The following CATSPERE variants were observed in gnomAD, a reference collection of about 807,000 sequenced individuals.
CATSPERE encodes the protein cation channel sperm-associated auxiliary subunit epsilon.
CATSPERE carries 93 observed loss-of-function variants against 114.1 expected under a neutral mutation model. The ratio of observed to expected loss-of-function variants is 0.81; its 90% CI spans 0.69 to 0.97. The LOEUF is 0.97. Ranked by LOEUF, CATSPERE falls within the 50% of genes least tolerant of loss-of-function variation. The pLI is 0.00. For synonymous variants in CATSPERE, 341 were observed against 384.1 expected, an observed-to-expected ratio of 0.89 and a Z score of 1.31; for missense variants, 1,058 against 1,131.6, an observed-to-expected ratio of 0.93 and a Z score of 0.93.
intron 8 of CATSPERE, among the ~76,000 whole-genome samples, chr1:244,533,802 C>A (rs1679969644): frequency 6.6e-6 from 1 of 152,120 alleles, no homozygotes; most frequent in Non-Finnish European, 1.5e-5. Flanking sequence ...ATTTACACAG[C>A]AATTACAGTG....
chr1:244,560,855 T>C lies in CATSPERE; in HGVS notation c.1217T>C (p.Phe406Ser). Residue 406 changes from phenylalanine (F) to serine (S), a missense_variant, in exon 10 of 22, where the codon TTT (phenylalanine) becomes TCT (serine). By Grantham distance (155) the Phe-to-Ser change is radical (BLOSUM62 -2). Around this residue, in one of 2 missense-constraint regions of CATSPERE, gnomAD observed 787 missense variants for 905.6 expected, o/e 0.87. Coordinates refer to ENST00000366534, the MANE Select transcript of CATSPERE (RefSeq NM_001130957.2). ...YTGHPLEIAV[F>S]LNYCTVCNVT... ...GGACACCCTCTGGAGATTGCTGTGT[T>C]TTTAAATTATTGCACTGTATGTAAC... 2 of 1,614,118 alleles carry C rather than the reference T, an allele frequency of 1.2e-6. No homozygotes were observed. The highest frequency in any genetic ancestry group is 1.7e-6 in the Non-Finnish European group (2 of 1,179,996).
intron 20 of CATSPERE, among the ~76,000 whole-genome samples, chr1:244,620,416 C>T (rs1038240971): frequency 3.9e-5 from 6 of 152,172 alleles, no homozygotes; most frequent in African/African-American, 1.2e-4. Flanking sequence ...CTCTCATTCA[C>T]TTCAGAATAG....
intron 8 of CATSPERE, 35 bp downstream of exon 8, chr1:244,518,733 A>G: frequency 8.8e-7 from 1 of 1,130,550 alleles, no homozygotes; most frequent in South Asian, 1.5e-5. Flanking sequence ...ATATAGAAAT[A>G]TGAAAACTTA....
chr1:244,565,962 T>C (rs1014449857), intron 10 of CATSPERE, among the ~76,000 whole-genome samples: 1 of 152,224 alleles, frequency 6.6e-6, no homozygotes, highest in African/African-American at 2.4e-5. Flanking sequence ...TGCTTTCTCC[T>C]GTGGGGATTT....
chr1:244,461,359 A>T lies in CATSPERE; in HGVS notation c.-71A>T. 1 of 1,255,230 alleles carries T rather than the reference A, an allele frequency of 8.0e-7. No individual in the cohort carries two copies. Among genetic ancestry groups the T allele is most frequent in the Non-Finnish European group, 1.0e-6 (1 of 984,540 alleles). 77.8% of individuals were successfully genotyped at this position (1,255,230 alleles called of 1,614,324 possible). A position where few individuals can be genotyped will look rare whatever the true frequency, so the allele number is the denominator to read the frequency against. The stretch of plus-strand genomic sequence containing the variant: ...GCGCCTGCAGCCGCCCGCCGGGCCG[A>T]CGTCCCACGGGAATGCGCGAGGCCT... On this transcript the variant is annotated 5_prime_UTR_variant, in exon 1 of 22. Coordinates refer to ENST00000366534, the MANE Select transcript of CATSPERE (RefSeq NM_001130957.2).
chr1:244,557,568 T>TAC (rs1661827510), intron 9 of CATSPERE, among the ~76,000 whole-genome samples: 1 of 77,258 alleles, frequency 1.3e-5, no homozygotes, highest in East Asian at 3.8e-4. Flanking sequence ...TATATATATA[T>TAC]ATATATATAT....
intron 8 of CATSPERE, among the ~76,000 whole-genome samples, chr1:244,520,587 C>T (rs1383649928): frequency 6.6e-6 from 1 of 152,134 alleles, no homozygotes; most frequent in Non-Finnish European, 1.5e-5. Flanking sequence ...CCACCAGGGC[C>T]TTGGGTCCAA....
intron 20 of CATSPERE, among the ~76,000 whole-genome samples, chr1:244,619,971 C>G (rs1671888506): frequency 6.6e-6 from 1 of 152,018 alleles, no homozygotes; most frequent in Non-Finnish European, 1.5e-5. Flanking sequence ...TCTGATAGAT[C>G]AAGTAGTCAT....
At chr1:244,553,628 C>CATATAT (rs1558485061) in intron 9 of CATSPERE, among the ~76,000 whole-genome samples, 2 of 147,384 alleles carry the variant, frequency 1.4e-5, no homozygotes, top group African/African-American at 5.1e-5. Context: ...CACACACACA[C>CATATAT]ACACACACAC....
At chr1:244,625,424 A>ATTTTTTTT (rs1281579567) in intron 20 of CATSPERE, among the ~76,000 whole-genome samples, 57 of 3,950 alleles carry the variant, frequency 0.014, 5 homozygotes, top group Admixed American at 0.046. Flanking sequence ...ATATATATAT[A>ATTTTTTTT]TATATATATT....
chr1:244,539,206 C>A (rs1188152666), intron 8 of CATSPERE, among the ~76,000 whole-genome samples: 5 of 151,482 alleles, frequency 3.3e-5, no homozygotes, highest in Non-Finnish European at 4.4e-5. Context: ...TTGTCAAAGG[C>A]CTTTTCTGCA....
chr1:244,541,242 T>G (rs1349822641), intron 8 of CATSPERE, among the ~76,000 whole-genome samples: 25 of 151,016 alleles, frequency 1.7e-4, no homozygotes, highest in African/African-American at 6.1e-4. Flanking sequence ...GGAGAAAATT[T>G]TCACAACTTA....
chr1:244,555,680 A>C (rs1445281390), intron 9 of CATSPERE, among the ~76,000 whole-genome samples: 1 of 152,226 alleles, frequency 6.6e-6, no homozygotes, highest in Non-Finnish European at 1.5e-5. Flanking sequence ...TATATTTAGA[A>C]AAACCTAAAG....
rs764097638 is a variant in CATSPERE, at chr1:244,605,780, A to T, written c.2389A>T (p.Asn797Tyr). ...IHGRDDYSFNNTMAQSGCLHE... is the reference protein window; with the variant it reads ...IHGRDDYSFNYTMAQSGCLHE... ...CGGCAGGGATGACTATAGCTTTAAT[A>T]ATACTATGGCACAGGTATGGCATCT... Residue 797 changes from asparagine to tyrosine, a missense_variant, in exon 18 of 22, where the codon AAT becomes TAT. Coordinates refer to ENST00000366534, the MANE Select transcript of CATSPERE (RefSeq NM_001130957.2). 1 of 1,611,458 alleles carries T rather than the reference A, an allele frequency of 6.2e-7. No homozygotes were observed. The highest frequency in any genetic ancestry group is 2.2e-5 in the East Asian group (1 of 44,800).
chr1:244,632,417 GA>G (rs1361631081), intron 20 of CATSPERE, among the ~76,000 whole-genome samples: 17 of 144,630 alleles, frequency 1.2e-4, no homozygotes, highest in African/African-American at 4.3e-4. Flanking sequence ...AAATGAAAAA[GA>G]AAAAGAAAAG....
At chr1:244,520,543 AC>A (rs1468885867) in intron 8 of CATSPERE, among the ~76,000 whole-genome samples, 1 of 152,068 alleles carries the variant, frequency 6.6e-6, no homozygotes. Flanking sequence ...GGTCTCTGCA[AC>A]CCACAATCAG....
chr1:244,486,982 A>G (rs541309470), intron 5 of CATSPERE, among the ~76,000 whole-genome samples: 2 of 150,382 alleles, frequency 1.3e-5, no homozygotes, highest in African/African-American at 2.5e-5. Context: ...GGCCATGTGT[A>G]GACCCTCGTA....
intron 8 of CATSPERE, among the ~76,000 whole-genome samples, chr1:244,530,299 A>C (rs1407085409): frequency 6.6e-6 from 1 of 152,042 alleles, no homozygotes; most frequent in East Asian, 1.9e-4. Context: ...ATATGTGCTT[A>C]CTACCTTTCT....
chr1:244,574,054 G>C (rs554813523), intron 11 of CATSPERE, among the ~76,000 whole-genome samples: 2 of 152,198 alleles, frequency 1.3e-5, no homozygotes, highest in Non-Finnish European at 2.9e-5. Context: ...TACAGGGCTT[G>C]TCCTTGCTAC....
Sources: gnomAD v4.1 joint callset for allele counts (sites outside exome capture counted in the v4.1 genomes callset) on GRCh38, gnomAD v4.1.1 for gene constraint, gnomAD v4.1.1 regional missense constraint, MANE v1.5 for transcripts, NCBI Gene and HGNC (gene_info 2026-07-23, HGNC 2026-07-21) for gene names.